GPR26: variants seen among roughly 807,000 people sequenced by gnomAD.
GPR26 encodes G protein-coupled receptor 26.
A neutral mutation model predicts 23.1 loss-of-function variants in GPR26; 15 were observed. The ratio of observed to expected loss-of-function variants is 0.65; its 90% confidence interval spans 0.43 to 1.00. The LOEUF (loss-of-function observed/expected upper bound fraction) is 1.00. Ranked by LOEUF, GPR26 falls within the 50% of genes least tolerant of loss-of-function variation. The pLI is 0.00. For synonymous variants in GPR26, 228 were observed against 222.1 expected (o/e 1.03, Z -0.24); for missense variants, 359 against 470.5 (o/e 0.76, Z 2.19).
At chr10:123,681,763 C>T (rs1028658187) in intron 2 of GPR26, among the ~76,000 whole-genome samples, 1 of 152,220 alleles carries the variant, frequency 6.6e-6, no homozygotes, top group African/African-American at 2.4e-5. Context: ...AGAAACATTC[C>T]AGTGTTCCTG....
At chr10:123,668,669 C>G (rs1026227512) in intron 1 of GPR26, among the ~76,000 whole-genome samples, 3 of 152,330 alleles carry the variant, frequency 2.0e-5, no homozygotes, top group African/African-American at 7.2e-5. Context: ...TTCCATGACT[C>G]AGAGCTGAGA....
Position 123,674,720 on chromosome 10 carries a change from C to A in GPR26, c.669-98C>A. 1.3e-6 allele frequency: 1 copy of A among 747,350 alleles called. No homozygotes were observed. The highest frequency in any genetic ancestry group is 2.3e-6 in the Non-Finnish European group (1 of 441,460). 46.3% of individuals were successfully genotyped at this position (747,350 alleles called of 1,614,324 possible). A position where few individuals can be genotyped will look rare whatever the true frequency, so the allele number is the denominator to read the frequency against. On this transcript the variant is annotated intron_variant, in intron 1 of 2. Coordinates refer to ENST00000284674, the MANE Select transcript of GPR26 (RefSeq NM_153442.4). This position sits in a 1 kb window ranked among gnomAD's most constrained non-coding sequence, Gnocchi z 4.1. ...GTCTTTCCGACTCCATAGTCAAGTT[C>A]TCACACTAGAGACTGCTGCCTGTGT...
intron 2 of GPR26, among the ~76,000 whole-genome samples, 200 bp downstream of exon 2, chr10:123,675,131 A>G: frequency 6.6e-6 from 1 of 152,180 alleles, no homozygotes; most frequent in Non-Finnish European, 1.5e-5. Context: ...GATTCAACTC[A>G]GAACCCAAAG....
chr10:123,692,526 G>C lies in GPR26; in HGVS notation c.*4366G>C, dbSNP rs375893031. 7 of 152,508 alleles carry C rather than the reference G, an allele frequency of 4.6e-5. No individual in the cohort carries two copies. Among genetic ancestry groups the C allele is most frequent in the African/African-American group, 1.7e-4 (7 of 41,590 alleles). The allele number at this position is 152,508 out of a possible 1,614,324, so 9.4% of individuals were successfully genotyped here. ...CAGTGTCCTAACAGCTGGTGGGTAT[G>C]GAGGAAAGACTAGACATCAGGCTAT... On this transcript the variant is annotated 3_prime_UTR_variant, in exon 3 of 3. Coordinates refer to ENST00000284674, the MANE Select transcript of GPR26 (RefSeq NM_153442.4).
chr10:123,668,794 C>A (rs1315774243), intron 1 of GPR26, among the ~76,000 whole-genome samples: 1 of 152,198 alleles, frequency 6.6e-6, no homozygotes, highest in Non-Finnish European at 1.5e-5. Flanking sequence ...GCCCTCTCAC[C>A]ATGAGTCTAA....
intron 1 of GPR26, among the ~76,000 whole-genome samples, chr10:123,671,800 C>G (rs914338146): frequency 2.6e-5 from 4 of 152,170 alleles, no homozygotes. Context: ...TCTGTGTAAC[C>G]TTGGGCATGT....
At chr10:123,676,418 C>T (rs537073492) in intron 2 of GPR26, among the ~76,000 whole-genome samples, 8 of 152,308 alleles carry the variant, frequency 5.3e-5, no homozygotes, top group Non-Finnish European at 8.8e-5. Context: ...CAGGAGCTGT[C>T]CTGGGCATCA....
At chr10:123,667,174 G>A in intron 1 of GPR26, 99 bp downstream of exon 1, 1 of 931,926 alleles carries the variant, frequency 1.1e-6, no homozygotes. Context: ...CCGAGCCTCT[G>A]TTTCTTCTGA....
intron 2 of GPR26, among the ~76,000 whole-genome samples, chr10:123,676,488 G>A (rs1222893485): frequency 6.6e-6 from 1 of 152,138 alleles, no homozygotes; most frequent in Admixed American, 6.5e-5. Context: ...ACCTCCTAGT[G>A]AGGCAGGGGT....
chr10:123,688,194 G>A lies in GPR26; in HGVS notation c.*34G>A, dbSNP rs1845451524. 2.2e-6 allele frequency: 3 copies of A among 1,340,680 alleles called. No individual in the cohort carries two copies. The highest frequency in any genetic ancestry group is 3.2e-6 in the Non-Finnish European group (3 of 943,036). 83.0% of individuals were successfully genotyped at this position (1,340,680 alleles called of 1,614,324 possible). Reference sequence around the variant, plus strand: ...GCTCCTGCTGAAGAGTTTAGAATGAGGCAGCGGTGAGAAGAAGGGTGGGAG... The same window carrying A: ...GCTCCTGCTGAAGAGTTTAGAATGAAGCAGCGGTGAGAAGAAGGGTGGGAG... On this transcript the variant is annotated 3_prime_UTR_variant, in exon 3 of 3. Transcript: ENST00000284674.
At position 123,688,989 on chromosome 10, in the gene GPR26, G is replaced by A. The variant is rs1238267543; in HGVS notation, c.*829G>A. 5.9e-5 allele frequency: 9 copies of A among 152,194 alleles called. No homozygotes were observed. The highest frequency in any genetic ancestry group is 2.2e-4 in the African/African-American group (9 of 41,440). 9.4% of individuals were successfully genotyped at this position (152,194 alleles called of 1,614,324 possible). A position where few individuals can be genotyped will look rare whatever the true frequency, so the allele number is the denominator to read the frequency against. ...AGCTCAGTAAAGGTAGGAGGAAGGT[G>A]GCTGGTTGGTCCTCCCTTCCCCCTG... is the stretch of plus-strand genomic sequence containing the variant. On this transcript the variant is annotated 3_prime_UTR_variant, in exon 3 of 3. Coordinates refer to ENST00000284674, the MANE Select transcript of GPR26 (RefSeq NM_153442.4).
intron 1 of GPR26, among the ~76,000 whole-genome samples, chr10:123,671,296 G>A (rs952083956): frequency 4.3e-4 from 65 of 152,298 alleles, no homozygotes; most frequent in African/African-American, 1.4e-3. Context: ...GACTGGAGCC[G>A]CTGGGGAACA....
intron 1 of GPR26, 29 bp downstream of exon 1, chr10:123,667,104 A>G: frequency 6.6e-7 from 1 of 1,513,542 alleles, no homozygotes; most frequent in East Asian, 2.4e-5. Flanking sequence ...AGGCTCTGGG[A>G]ACAGCCGCGC....
Position 123,674,779 on chromosome 10 carries a change from G to C in GPR26, c.669-39G>C. 1 of 1,345,092 alleles carries C rather than the reference G, an allele frequency of 7.4e-7. No homozygotes were observed. Among genetic ancestry groups the C allele is most frequent in the Non-Finnish European group, 1.1e-6 (1 of 940,032 alleles). The allele number at this position is 1,345,092 out of a possible 1,614,324, so 83.3% of individuals were successfully genotyped here. Reference sequence around the variant, plus strand: ...AGTGCCTCATCCTGACCTAGCAAGGGTGCCTCGTAGTTCACCTTCTCTCCT... The same window carrying C: ...AGTGCCTCATCCTGACCTAGCAAGGCTGCCTCGTAGTTCACCTTCTCTCCT... On this transcript the variant is annotated intron_variant, in intron 1 of 2. Transcript: ENST00000284674. The surrounding 1 kb of genome is among the most constrained non-coding windows in gnomAD (Gnocchi z 4.1).
Position 123,666,628 on chromosome 10 carries a change from C to A in GPR26, c.221C>A (p.Ala74Glu). 1 of 1,588,860 alleles carries A rather than the reference C, an allele frequency of 6.3e-7. No homozygotes were observed. Among genetic ancestry groups the A allele is most frequent in the East Asian group, 2.3e-5 (1 of 43,710 alleles). ...GGCGTCGTGGCGCAGCGGCAGCCGGCGGGCGACCGCCTGTGCCGCCTGGCT... is the reference window on the plus strand; with the variant it reads ...GGCGTCGTGGCGCAGCGGCAGCCGGAGGGCGACCGCCTGTGCCGCCTGGCT... ...LAGVVAQRQP[A>E]GDRLCRLAAF... Residue 74 changes from alanine to glutamate, a missense_variant, in exon 1 of 3, where the codon GCG becomes GAG. Physicochemically the swap from Ala to Glu is moderately radical, Grantham distance 107. Transcript: ENST00000284674.
chr10:123,675,434 G>T (rs1845293309), intron 2 of GPR26, among the ~76,000 whole-genome samples: 1 of 152,152 alleles, frequency 6.6e-6, no homozygotes, highest in African/African-American at 2.4e-5. Flanking sequence ...GGGCATACTT[G>T]TCCTGTGGCT....
rs1845537082 is a variant in GPR26 at position 123,695,750 on chromosome 10, A to G, written c.*7590A>G. 6.6e-6 allele frequency among the ~76,000 whole-genome samples: 1 copy of G among 152,208 alleles called. No homozygotes were observed. The highest frequency in any genetic ancestry group is 2.4e-5 in the African/African-American group (1 of 41,454). On this transcript the variant is annotated 3_prime_UTR_variant, in exon 3 of 3. Transcript: ENST00000284674. ...CCAAATCTTTGCTTGAATTATTAAT[A>G]GTAACCAAACTCTCTGCTCTAACAA...
chr10:123,681,046 C>T (rs543577300), intron 2 of GPR26, among the ~76,000 whole-genome samples: 29 of 152,158 alleles, frequency 1.9e-4, no homozygotes, highest in Admixed American at 1.7e-3. Context: ...ACCATGTTGG[C>T]CAGGCTGGTC....
chr10:123,684,012 C>T (rs150356632), intron 2 of GPR26, among the ~76,000 whole-genome samples: 1 of 152,188 alleles, frequency 6.6e-6, no homozygotes, highest in East Asian at 1.9e-4. Flanking sequence ...CCCGGCCTCT[C>T]CCCAGCTCCA....
Sources: allele counts gnomAD v4.1 joint callset (sites outside exome capture counted in the v4.1 genomes callset), GRCh38; gene constraint gnomAD v4.1.1; non-coding constraint Gnocchi (gnomAD v3.1); transcripts MANE v1.5; gene names NCBI Gene and HGNC (gene_info 2026-07-23, HGNC 2026-07-21).